Variants in CNTNAP5 observed in about 807,000 individuals in gnomAD.
CNTNAP5 encodes the protein contactin associated protein family member 5.
In CNTNAP5, 72 loss-of-function variants were observed where a neutral mutation model predicts 150.2. The observed-to-expected ratio is 0.48, with a 90% confidence interval of 0.40 to 0.58. CNTNAP5 has a LOEUF of 0.58. Ranked by LOEUF, CNTNAP5 falls within the 20% of genes least tolerant of loss-of-function variation. CNTNAP5 has a pLI of 0.00. For synonymous variants in CNTNAP5, 672 were observed against 619.8 expected (o/e 1.08, Z -1.25); for missense variants, 1,636 against 1,626.2 (o/e 1.01, Z -0.10).
intron 11 of CNTNAP5, among the ~76,000 whole-genome samples, chr2:124,581,212 A>G (rs2104949011): frequency 6.6e-6 from 1 of 152,310 alleles, no homozygotes; most frequent in Admixed American, 6.5e-5. Flanking sequence ...AATTCTTCAA[A>G]ATTCTTCTCC....
intron 1 of CNTNAP5, among the ~76,000 whole-genome samples, chr2:124,076,975 C>T (rs1682452177): frequency 6.6e-6 from 1 of 152,122 alleles, no homozygotes; most frequent in African/African-American, 2.4e-5. Flanking sequence ...CAGTGTCCTC[C>T]TTTATAACAT....
intron 7 of CNTNAP5, among the ~76,000 whole-genome samples, chr2:124,500,077 C>G (rs1199840151): frequency 6.6e-6 from 1 of 152,096 alleles, no homozygotes; most frequent in East Asian, 1.9e-4. Flanking sequence ...ACAAATTCCT[C>G]CTTCCTGTGC....
intron 2 of CNTNAP5, among the ~76,000 whole-genome samples, chr2:124,238,737 T>C (rs1686811862): frequency 6.6e-6 from 1 of 152,212 alleles, no homozygotes; most frequent in Admixed American, 6.5e-5. Flanking sequence ...ATGTATGTTA[T>C]ACCCCCAATT....
At position 124,750,760 on chromosome 2, in the gene CNTNAP5, C is replaced by T. The variant is rs150872844; in HGVS notation, c.2234+3375C>T. The stretch of plus-strand genomic sequence containing the variant: ...CAGCACTTTGGGAGGCCGAGGTGGG[C>T]GGATCACGAGGTCAGGAGCTCGAGA... On this transcript the variant is annotated intron_variant, in intron 14 of 23. Transcript: ENST00000682447. Among the ~76,000 whole-genome samples, 12 of 151,932 alleles carry T rather than the reference C, an allele frequency of 7.9e-5. No individual in the cohort carries two copies. In the East Asian group the frequency reaches 9.8e-4, roughly 12 times the overall value.
At chr2:124,627,590 TA>T (rs1393408707) in intron 12 of CNTNAP5, among the ~76,000 whole-genome samples, 1 of 147,750 alleles carries the variant, frequency 6.8e-6, no homozygotes, top group Non-Finnish European at 1.5e-5. Context: ...CAAAGGTAGA[TA>T]AATCCATGAA....
intron 7 of CNTNAP5, among the ~76,000 whole-genome samples, chr2:124,502,001 G>A (rs182070556): frequency 1.3e-4 from 20 of 152,284 alleles, no homozygotes; most frequent in East Asian, 7.7e-4. Flanking sequence ...GAAGGGAATC[G>A]GGGGAAGGGA....
At chr2:124,199,423 T>C (rs890725741) in intron 1 of CNTNAP5, among the ~76,000 whole-genome samples, 7 of 147,172 alleles carry the variant, frequency 4.8e-5, no homozygotes, top group African/African-American at 1.7e-4. Flanking sequence ...CTTTTTTTTT[T>C]TTTTTTTTTG....
At chr2:124,395,254 G>A (rs867608551) in intron 3 of CNTNAP5, among the ~76,000 whole-genome samples, 2 of 152,124 alleles carry the variant, frequency 1.3e-5, no homozygotes, top group Non-Finnish European at 2.9e-5. Flanking sequence ...ATGTGCCATA[G>A]CAGTTCAGAG....
chr2:124,362,557 G>T (rs550182079), intron 3 of CNTNAP5, among the ~76,000 whole-genome samples: 2 of 152,134 alleles, frequency 1.3e-5, no homozygotes, highest in Non-Finnish European at 1.5e-5. Context: ...CTTCGAGCAT[G>T]TCTTTCAGCT....
intron 23 of CNTNAP5, 43 bp from the exon 24 acceptor site, chr2:124,914,049 T>G (rs560649511): frequency 6.8e-7 from 1 of 1,465,308 alleles, no homozygotes; most frequent in Non-Finnish European, 9.5e-7. Flanking sequence ...AGCAGATGAC[T>G]CATGACGATT....
chr2:124,336,039 A>G (rs1689458002), intron 3 of CNTNAP5, among the ~76,000 whole-genome samples: 2 of 151,746 alleles, frequency 1.3e-5, no homozygotes, highest in Admixed American at 6.6e-5. Flanking sequence ...CCTTATAGGG[A>G]TGAGGGAGAT....
chr2:124,183,718 A>G (rs1685262283), intron 1 of CNTNAP5, among the ~76,000 whole-genome samples: 1 of 152,222 alleles, frequency 6.6e-6, no homozygotes, highest in African/African-American at 2.4e-5. Context: ...TACTTTATTC[A>G]TACATTCATT....
chr2:124,326,874 T>A (rs548854714), intron 3 of CNTNAP5, among the ~76,000 whole-genome samples: 1 of 151,148 alleles, frequency 6.6e-6, no homozygotes, highest in Admixed American at 6.6e-5. Flanking sequence ...GAGGCTGAGG[T>A]GAGGAGATCA....
intron 3 of CNTNAP5, among the ~76,000 whole-genome samples, chr2:124,385,541 A>C (rs969890013): frequency 2.0e-5 from 3 of 152,176 alleles, no homozygotes; most frequent in Non-Finnish European, 4.4e-5. Context: ...CAAGATCCAT[A>C]TCTTCCTTTT....
At chr2:124,332,855 C>T (rs779858466) in intron 3 of CNTNAP5, among the ~76,000 whole-genome samples, 1 of 151,944 alleles carries the variant, frequency 6.6e-6, no homozygotes, top group Non-Finnish European at 1.5e-5. Context: ...GACAGACATC[C>T]TATTTTTAAA....
intron 19 of CNTNAP5, among the ~76,000 whole-genome samples, chr2:124,813,436 C>T (rs891609246): frequency 1.4e-5 from 2 of 147,494 alleles, no homozygotes; most frequent in South Asian, 2.1e-4. Flanking sequence ...ACTGAGCTAA[C>T]TCATCCATTC....
At chr2:124,794,845 A>G (rs1348532314) in intron 18 of CNTNAP5, among the ~76,000 whole-genome samples, 1 of 152,170 alleles carries the variant, frequency 6.6e-6, no homozygotes, top group East Asian at 1.9e-4. Flanking sequence ...CAAATATTAC[A>G]TCGTATATTG....
At chr2:124,044,385 G>A (rs577295500) in intron 1 of CNTNAP5, among the ~76,000 whole-genome samples, 1 of 152,270 alleles carries the variant, frequency 6.6e-6, no homozygotes, top group South Asian at 2.1e-4. Context: ...CCTTTACGCT[G>A]GAGAAAAGAT....
intron 4 of CNTNAP5, among the ~76,000 whole-genome samples, chr2:124,433,951 A>G (rs1233701413): frequency 1.3e-5 from 2 of 152,224 alleles, no homozygotes; most frequent in Non-Finnish European, 2.9e-5. Flanking sequence ...TGTTCAAATA[A>G]CAAGTCTTCT....
Sources: gnomAD v4.1 joint callset for allele counts (sites outside exome capture counted in the v4.1 genomes callset) on GRCh38, gnomAD v4.1.1 for gene constraint, MANE v1.5 for transcripts, NCBI Gene and HGNC (gene_info 2026-07-23, HGNC 2026-07-21) for gene names.